The following RAB1A variants were observed in gnomAD, a reference collection of about 807,000 sequenced individuals.
RAB1A encodes RAB1A, member RAS oncogene family, also known as ras-related protein Rab-1A.
RAB1A carries 2 observed loss-of-function variants against 26.0 expected under a neutral mutation model. The observed-to-expected ratio is 0.08, with a 90% CI of 0.03 to 0.24. The LOEUF (loss-of-function observed/expected upper bound fraction) is 0.24, where lower values mean the gene tolerates loss of function less well. RAB1A is among the 10% of genes least tolerant of loss of function. The probability of loss-of-function intolerance (pLI) is 1.00; values close to 1 mark genes in which losing one functional copy is unlikely to be tolerated. For synonymous variants in RAB1A, 84 were observed against 84.9 expected (o/e 0.99, Z 0.06); for missense variants, 100 against 247.0 (o/e 0.40, Z 3.99).
chr2:65,106,279 G>A (rs1669556983), intron 1 of RAB1A: 1 of 221,874 alleles, frequency 4.5e-6, no homozygotes, highest in South Asian at 4.5e-5. Context: ...CGTTTTTGTA[G>A]AAGATATACA....
chr2:65,102,416 C>G (rs146252257), intron 2 of RAB1A, among the ~76,000 whole-genome samples: 1,990 of 152,086 alleles, frequency 0.013, 21 homozygotes, highest in Non-Finnish European at 0.02. Context: ...AATATCGGCA[C>G]TCATCAGAAA....
intron 1 of RAB1A, among the ~76,000 whole-genome samples, chr2:65,105,081 G>C (rs999711390): frequency 6.6e-6 from 1 of 152,128 alleles, no homozygotes; most frequent in African/African-American, 2.4e-5. Flanking sequence ...AGAAAAATAA[G>C]TGATACGCAC....
At chr2:65,113,243 T>C (rs952520046) in intron 1 of RAB1A, among the ~76,000 whole-genome samples, 1 of 152,212 alleles carries the variant, frequency 6.6e-6, no homozygotes, top group Non-Finnish European at 1.5e-5. Flanking sequence ...CGTGCAAAAA[T>C]GGCATCGGTA....
At chr2:65,105,285 ACT>A in intron 1 of RAB1A, 6 of 203,650 alleles carry the variant, frequency 2.9e-5, no homozygotes, top group Non-Finnish European at 6.1e-5. Flanking sequence ...CAGGCAGTTC[ACT>A]TGAGGTCAGG....
intron 3 of RAB1A, among the ~76,000 whole-genome samples, chr2:65,094,532 C>T (rs1485888148): frequency 1.3e-5 from 2 of 150,344 alleles, no homozygotes; most frequent in Non-Finnish European, 3.0e-5. Context: ...TGCAGTGAGC[C>T]GAGATCACGC....
intron 1 of RAB1A, among the ~76,000 whole-genome samples, chr2:65,109,548 A>ATTTAGT (rs1669646463): frequency 6.6e-6 from 1 of 151,912 alleles, no homozygotes; most frequent in African/African-American, 2.4e-5. Flanking sequence ...TACTAAAAAA[A>ATTTAGT]AAAATACAAA....
At chr2:65,096,525 T>C (rs556021745) in intron 3 of RAB1A, among the ~76,000 whole-genome samples, 3 of 152,308 alleles carry the variant, frequency 2.0e-5, no homozygotes, top group Admixed American at 6.5e-5. Context: ...ATAATACAAT[T>C]ATTCCATACC....
intron 1 of RAB1A, among the ~76,000 whole-genome samples, chr2:65,109,331 T>G (rs148051533): frequency 1.3e-5 from 2 of 152,310 alleles, no homozygotes; most frequent in Non-Finnish European, 1.5e-5. Flanking sequence ...CCTCATGAAT[T>G]TGGATCACTA....
At position 65,091,160 on chromosome 2, in the gene RAB1A, T is replaced by G. The variant is rs370147461; in HGVS notation, c.193-82A>C. 6.7e-6 allele frequency: 7 copies of G among 1,049,704 alleles called. No individual in the cohort carries two copies. In the South Asian group the frequency reaches 8.4e-5, roughly 13 times the overall value. The allele number at this position is 1,049,704 out of a possible 1,614,324, so 65.0% of individuals were successfully genotyped here. A position where few individuals can be genotyped will look rare whatever the true frequency, so the allele number is the denominator to read the frequency against. On this transcript the variant is annotated intron_variant, in intron 3 of 5. Coordinates refer to ENST00000409784, the MANE Select transcript of RAB1A (RefSeq NM_004161.5). ...AGTGTAGGAGGGAGGGGAAATAGTTTAGTTTTCATAACTGTGGAGATTATC... is the reference window on the plus strand; with the variant it reads ...AGTGTAGGAGGGAGGGGAAATAGTTGAGTTTTCATAACTGTGGAGATTATC...
chr2:65,104,740 C>T lies in RAB1A; in HGVS notation c.90G>A (p.Arg30=). 1.3e-6 allele frequency: 2 copies of T among 1,578,882 alleles called. No individual in the cohort carries two copies. The highest frequency in any genetic ancestry group is 1.3e-5 in the African/African-American group (1 of 74,198). ...SGVGKSCLLL[R]FADDTYTESY... is the part of the protein sequence containing the mutation. Reference sequence around the variant, plus strand: ...CATTTCAATTTCAACTTACTGCAAACCTAAGAAGAAGGCAAGACTTTCCAA... The same window carrying T: ...CATTTCAATTTCAACTTACTGCAAATCTAAGAAGAAGGCAAGACTTTCCAA... Residue 30 remains arginine (R), a synonymous_variant, in exon 2 of 6, where the codon AGG becomes AGA. Coordinates refer to ENST00000409784, the MANE Select transcript of RAB1A (RefSeq NM_004161.5).
At chr2:65,089,095 T>A (rs371759709) in intron 4 of RAB1A, 25 bp from the exon 5 acceptor site, 22 of 1,580,746 alleles carry the variant, frequency 1.4e-5, no homozygotes, top group Middle Eastern at 3.3e-4. Context: ...GAAAGACTGA[T>A]AATATAGTTC....
chr2:65,099,065 G>C (rs1669358304), intron 2 of RAB1A, among the ~76,000 whole-genome samples: 1 of 152,030 alleles, frequency 6.6e-6, no homozygotes, highest in Non-Finnish European at 1.5e-5. Flanking sequence ...TCAAACTCCT[G>C]ACCTCTAGTG....
intron 3 of RAB1A, among the ~76,000 whole-genome samples, chr2:65,092,057 G>A (rs1241086679): frequency 2.0e-5 from 3 of 152,078 alleles, no homozygotes; most frequent in Non-Finnish European, 2.9e-5. Context: ...GGCGGATTAC[G>A]AGCTCAGGAG....
intron 1 of RAB1A, among the ~76,000 whole-genome samples, chr2:65,119,841 C>CAAAAAAAAAAAAAAAAA (rs1178958164): frequency 2.7e-5 from 1 of 36,440 alleles, no homozygotes; most frequent in African/African-American, 9.9e-5. Context: ...CCTGTCTCTA[C>CAAAAAAAAAAAAAAAAA]AAAAAAAAAA....
intron 1 of RAB1A, among the ~76,000 whole-genome samples, chr2:65,121,458 G>C (rs1001120835): frequency 6.6e-6 from 1 of 152,108 alleles, no homozygotes; most frequent in Non-Finnish European, 1.5e-5. Context: ...AAGCAGTGTA[G>C]GGTGTTCCAG....
At chr2:65,117,069 C>G (rs1381070374) in intron 1 of RAB1A, among the ~76,000 whole-genome samples, 1 of 150,534 alleles carries the variant, frequency 6.6e-6, no homozygotes, top group East Asian at 2.0e-4. Context: ...CCCACCCCCA[C>G]CCACCACCAC....
intron 2 of RAB1A, among the ~76,000 whole-genome samples, chr2:65,104,333 G>A (rs1256505441): frequency 2.0e-5 from 3 of 152,054 alleles, no homozygotes; most frequent in African/African-American, 7.2e-5. Context: ...GAGTAGCTGA[G>A]ACTGCAGGCA....
chr2:65,094,902 G>C (rs920103796), intron 3 of RAB1A, among the ~76,000 whole-genome samples: 2 of 152,216 alleles, frequency 1.3e-5, no homozygotes, highest in Non-Finnish European at 2.9e-5. Context: ...AGAGGTAGAA[G>C]AAAGGTTGTG....
intron 1 of RAB1A, among the ~76,000 whole-genome samples, chr2:65,116,070 T>C (rs992816284): frequency 2.0e-5 from 3 of 152,028 alleles, no homozygotes; most frequent in Non-Finnish European, 4.4e-5. Flanking sequence ...GCAGGAAGAA[T>C]TGCTTGAACC....
Sources: gnomAD v4.1 joint callset for allele counts (sites outside exome capture counted in the v4.1 genomes callset) on GRCh38, gnomAD v4.1.1 for gene constraint, MANE v1.5 for transcripts, NCBI Gene and HGNC (gene_info 2026-07-23, HGNC 2026-07-21) for gene names.